MEGF10: variants seen among roughly 807,000 people sequenced by gnomAD.
MEGF10 encodes the protein multiple epidermal growth factor-like domains protein 10.
A neutral mutation model predicts 147.5 loss-of-function variants in MEGF10; 86 were observed. The ratio of observed to expected loss-of-function variants is 0.58; its 90% CI spans 0.49 to 0.70. The LOEUF (loss-of-function observed/expected upper bound fraction) is 0.70, where lower values mean the gene tolerates loss of function less well. Among genes scored for constraint, MEGF10 ranks in the 30% least tolerant of loss-of-function variants. The pLI is 0.00. For missense variants in MEGF10, 1,329 were observed against 1,487.3 expected (o/e 0.89, Z 1.75); for synonymous variants, 478 against 525.5 (o/e 0.91, Z 1.24).
the MEGF10 span, among the ~76,000 whole-genome samples, chr5:127,237,329 C>A: frequency 6.6e-6 from 1 of 151,932 alleles, no homozygotes; most frequent in African/African-American, 2.4e-5. Context: ...CCTGTCTATA[C>A]GAAAAATACA....
At chr5:127,414,569 A>G (rs1764685298) in intron 9 of MEGF10, among the ~76,000 whole-genome samples, 1 of 152,192 alleles carries the variant, frequency 6.6e-6, no homozygotes, top group African/African-American at 2.4e-5. Flanking sequence ...AACGAATTTT[A>G]GAGGAAATCT....
In MEGF10 at chr5:127,417,671, G is replaced by A; in HGVS notation, c.1164G>A (p.Lys388=). ...CHPMSGECAC[K]PGWSGLYCNE... Reference sequence around the variant, plus strand: ...CCATGTCTGGAGAGTGTGCCTGCAAGCCGGGCTGGTCAGGACTCTACTGTA... The same window carrying A: ...CCATGTCTGGAGAGTGTGCCTGCAAACCGGGCTGGTCAGGACTCTACTGTA... Residue 388 remains lysine, a synonymous_variant, in exon 10 of 25, where the codon AAG becomes AAA. Transcript: ENST00000503335. 6.2e-7 allele frequency: 1 copy of A among 1,614,182 alleles called. No homozygotes were observed. The highest frequency in any genetic ancestry group is 8.5e-7 in the Non-Finnish European group (1 of 1,180,032).
intron 4 of MEGF10, among the ~76,000 whole-genome samples, chr5:127,362,078 C>A (rs1209660159): frequency 6.6e-6 from 1 of 151,916 alleles, no homozygotes; most frequent in African/African-American, 2.4e-5. Flanking sequence ...TTCTTATTTT[C>A]TTTTTAATAG....
At chr5:127,449,354 T>A in intron 22 of MEGF10, 132 bp downstream of exon 22, 1 of 1,210,690 alleles carries the variant, frequency 8.3e-7, no homozygotes, top group South Asian at 1.5e-5. Flanking sequence ...GAATTATGCC[T>A]AACACCTGTA....
chr5:127,447,508 C>T (rs752473860), intron 20 of MEGF10, 49 bp from the exon 21 acceptor site: 2 of 1,607,362 alleles, frequency 1.2e-6, no homozygotes, highest in South Asian at 2.2e-5. Context: ...TTTTTTCACA[C>T]ACATTTATGG....
At position 127,445,526 on chromosome 5, in the gene MEGF10, A is replaced by C. The variant is rs754882334; in HGVS notation, c.2561A>C (p.Tyr854Ser). 5 of 1,614,010 alleles carry C rather than the reference A, an allele frequency of 3.1e-6. No homozygotes were observed. The Admixed American group carries it at 8.3e-5, about 27-fold the overall frequency. ...RTSTALPADS[Y>S]QIGAIAGIII... Reference sequence around the variant, plus strand: ...AGTACTGCTCTCCCTGCTGATTCCTACCAGATCGGGGCCATTGCAGGCATC... The same window carrying C: ...AGTACTGCTCTCCCTGCTGATTCCTCCCAGATCGGGGCCATTGCAGGCATC... The change falls in exon 20 of 25, where the codon TAC becomes TCC. Residue 854 changes from tyrosine (Y) to serine (S), a missense_variant. Around this residue, in one of 3 missense-constraint regions of MEGF10, gnomAD observed 343 missense variants for 377.9 expected, o/e 0.91. Coordinates refer to ENST00000503335, the MANE Select transcript of MEGF10 (RefSeq NM_001256545.2).
intron 4 of MEGF10, among the ~76,000 whole-genome samples, chr5:127,369,589 A>C (rs1341996177): frequency 6.6e-6 from 1 of 152,240 alleles, no homozygotes; most frequent in African/African-American, 2.4e-5. Flanking sequence ...CTTCTGAAAC[A>C]AAAAGGAATA....
At chr5:127,386,930 T>C (rs1395054001) in intron 5 of MEGF10, among the ~76,000 whole-genome samples, 1 of 152,200 alleles carries the variant, frequency 6.6e-6, no homozygotes, top group East Asian at 1.9e-4. Flanking sequence ...TGTTCCACCA[T>C]CTTCATTTTA....
intron 9 of MEGF10, among the ~76,000 whole-genome samples, chr5:127,414,401 G>A (rs1370670625): frequency 2.6e-5 from 4 of 151,878 alleles, no homozygotes; most frequent in Non-Finnish European, 5.9e-5. Flanking sequence ...GAACTAAATG[G>A]TGCTCAGCAC....
chr5:127,323,123 G>T (rs1216587000), intron 1 of MEGF10, among the ~76,000 whole-genome samples: 3 of 152,056 alleles, frequency 2.0e-5, no homozygotes, highest in Admixed American at 6.5e-5. Context: ...AAATTAAATT[G>T]TTATTTATTA....
chr5:127,417,837 A>G, intron 10 of MEGF10, 25 bp downstream of exon 10: 1 of 1,609,102 alleles, frequency 6.2e-7, no homozygotes, highest in East Asian at 2.2e-5. Flanking sequence ...CTCTGGAGGA[A>G]GGAGAAGAGG....
At chr5:127,271,403 G>GT in the MEGF10 span, among the ~76,000 whole-genome samples, 5 of 151,568 alleles carry the variant, frequency 3.3e-5, no homozygotes, top group East Asian at 1.9e-4. Flanking sequence ...TTTTTAGTGG[G>GT]GTTTTTTTTT....
chr5:127,458,240 G>A lies in MEGF10; in HGVS notation c.*922G>A, dbSNP rs777227554. On this transcript the variant is annotated 3_prime_UTR_variant, in exon 25 of 25. Transcript: ENST00000503335. ...ATTTTAAATGCAAGATGACGCTTAC[G>A]TTCTGTAAACCATTAGTAATACATG... The A allele has an allele frequency of 1.3e-4, 20 of 152,310 alleles. No individual in the cohort carries two copies. Among genetic ancestry groups the A allele is most frequent in the East Asian group, 3.9e-4 (2 of 5,194 alleles). The allele number at this position is 152,310 out of a possible 1,614,324, so 9.4% of individuals were successfully genotyped here. A position where few individuals can be genotyped will look rare whatever the true frequency, so the allele number is the denominator to read the frequency against.
chr5:127,283,178 G>T, the MEGF10 span, among the ~76,000 whole-genome samples: 1 of 152,152 alleles, frequency 6.6e-6, no homozygotes, highest in Non-Finnish European at 1.5e-5. Flanking sequence ...CATACTACAG[G>T]AAATGTTTTA....
At chr5:127,434,513 G>C (rs960529279) in intron 14 of MEGF10, among the ~76,000 whole-genome samples, 174 bp from the exon 15 acceptor site, 7 of 152,056 alleles carry the variant, frequency 4.6e-5, no homozygotes, top group African/African-American at 1.7e-4. Flanking sequence ...CTCATTAAAG[G>C]GTTCCTTTGT....
At chr5:127,285,339 A>C in the MEGF10 span, among the ~76,000 whole-genome samples, 2 of 152,180 alleles carry the variant, frequency 1.3e-5, no homozygotes, top group Non-Finnish European at 2.9e-5. Context: ...CTAAATGAAT[A>C]GTCTTATAAT....
At chr5:127,286,456 A>G (rs1332510664), upstream of MEGF10, among the ~76,000 whole-genome samples, 1 of 152,012 alleles carries the variant, frequency 6.6e-6, no homozygotes, top group Non-Finnish European at 1.5e-5. Context: ...TAAAACAAAT[A>G]CCTAAAAAAT....
intron 16 of MEGF10, among the ~76,000 whole-genome samples, chr5:127,437,305 T>A (rs1462386482): frequency 6.6e-6 from 1 of 152,230 alleles, no homozygotes; most frequent in African/African-American, 2.4e-5. Flanking sequence ...TAACCTTTTG[T>A]GTGCTCAGTT....
At chr5:127,332,469 C>A (rs1761300205) in intron 2 of MEGF10, among the ~76,000 whole-genome samples, 1 of 152,290 alleles carries the variant, frequency 6.6e-6, no homozygotes, top group East Asian at 1.9e-4. Context: ...CAGAGCCTCT[C>A]AAGCACAGCA....
Sources: gnomAD v4.1 joint callset for allele counts (sites outside exome capture counted in the v4.1 genomes callset) on GRCh38, gnomAD v4.1.1 for gene constraint, gnomAD v4.1.1 regional missense constraint, MANE v1.5 for transcripts, NCBI Gene and HGNC (gene_info 2026-07-23, HGNC 2026-07-21) for gene names.